ENOX1: variants seen among roughly 807,000 people sequenced by gnomAD.
ENOX1 encodes the protein ecto-NOX disulfide-thiol exchanger 1.
ENOX1 carries 42 observed loss-of-function variants against 82.5 expected under a neutral mutation model. The observed-to-expected ratio is 0.51, with a 90% CI of 0.40 to 0.66. The LOEUF is 0.66. Among genes scored for constraint, ENOX1 ranks in the 30% least tolerant of loss-of-function variants. ENOX1 has a pLI of 0.00. For missense variants in ENOX1, 608 were observed against 811.6 expected (o/e 0.75, Z 3.05); for synonymous variants, 271 against 282.2 (o/e 0.96, Z 0.40).
In ENOX1 at chr13:43,217,665, A is replaced by C. The variant is rs139779305; in HGVS notation, c.1801-3544T>G. On this transcript the variant is annotated intron_variant, in intron 16 of 16. Coordinates refer to ENST00000690772, the MANE Select transcript of ENOX1 (RefSeq NM_001347969.2). ...AAGATTTGGATCACAGTGATAGAAC[A>C]ATCAGTAACCTCTTCCAGTTTAGTA... 4.1e-3 allele frequency among the ~76,000 whole-genome samples: 627 copies of C among 152,320 alleles called. 7 individuals are homozygous for C. Among genetic ancestry groups the C allele is most frequent in the African/African-American group, 0.014 (602 of 41,566 alleles).
intron 3 of ENOX1, among the ~76,000 whole-genome samples, chr13:43,439,091 G>A (rs1389323626): frequency 7.5e-6 from 1 of 134,174 alleles, no homozygotes; most frequent in South Asian, 2.3e-4. Flanking sequence ...TGCCCAAGCT[G>A]GAGTGCAGTG....
chr13:43,362,530 A>G (rs1374985166), intron 5 of ENOX1, among the ~76,000 whole-genome samples: 1 of 152,024 alleles, frequency 6.6e-6, no homozygotes, highest in African/African-American at 2.4e-5. Context: ...CATCACTTCC[A>G]GTCTTCCTTC....
intron 5 of ENOX1, among the ~76,000 whole-genome samples, chr13:43,388,799 G>T (rs888118146): frequency 6.6e-6 from 1 of 152,116 alleles, no homozygotes; most frequent in Non-Finnish European, 1.5e-5. Flanking sequence ...TTTGATAGGT[G>T]GAGAGGCAGA....
intron 1 of ENOX1, among the ~76,000 whole-genome samples, chr13:43,743,289 AATT>A (rs1246863848): frequency 6.6e-6 from 1 of 152,164 alleles, no homozygotes; most frequent in Non-Finnish European, 1.5e-5. Context: ...TAAAAAAAAT[AATT>A]AACTGTGAGA....
intron 1 of ENOX1, among the ~76,000 whole-genome samples, chr13:43,721,999 C>G (rs1296699194): frequency 2.6e-5 from 4 of 152,170 alleles, no homozygotes; most frequent in Non-Finnish European, 1.5e-5. Context: ...GGTACAATGT[C>G]CAGTTCTCAG....
At chr13:43,247,846 TATATATATATATATATATATATA>T (rs2043170984) in intron 14 of ENOX1, among the ~76,000 whole-genome samples, 6 of 4,706 alleles carry the variant, frequency 1.3e-3, no homozygotes, top group South Asian at 0.017. Flanking sequence ...TATATATATA[TATATATATATATATATATATATA>T]TATATATATA....
intron 1 of ENOX1, among the ~76,000 whole-genome samples, chr13:43,706,533 A>T (rs1047018406): frequency 6.6e-6 from 1 of 152,086 alleles, no homozygotes; most frequent in Admixed American, 6.5e-5. Flanking sequence ...AGTAATACAT[A>T]AACAGATAAT....
intron 2 of ENOX1, among the ~76,000 whole-genome samples, chr13:43,636,164 G>A (rs1412242845): frequency 6.6e-6 from 1 of 152,178 alleles, no homozygotes; most frequent in Non-Finnish European, 1.5e-5. Context: ...AGTGGGCAGA[G>A]CTGATGATGG....
At chr13:43,488,377 C>A (rs1036289204) in intron 2 of ENOX1, among the ~76,000 whole-genome samples, 1 of 152,178 alleles carries the variant, frequency 6.6e-6, no homozygotes, top group African/African-American at 2.4e-5. Flanking sequence ...AAGTGGAGAG[C>A]AGCCAGCACC....
intron 3 of ENOX1, among the ~76,000 whole-genome samples, chr13:43,468,043 A>G (rs1211184551): frequency 4.6e-5 from 7 of 152,170 alleles, no homozygotes; most frequent in Non-Finnish European, 4.4e-5. Context: ...TTCTGCCAGT[A>G]CCAAAGACTC....
intron 14 of ENOX1, among the ~76,000 whole-genome samples, chr13:43,238,697 C>CA (rs2042668917): frequency 6.6e-6 from 1 of 151,984 alleles, no homozygotes; most frequent in African/African-American, 2.4e-5. Context: ...TAAAAAAATA[C>CA]AAAAAATGAA....
intron 2 of ENOX1, among the ~76,000 whole-genome samples, chr13:43,571,734 A>G (rs896865930): frequency 3.9e-5 from 6 of 152,046 alleles, no homozygotes; most frequent in African/African-American, 1.4e-4. Context: ...CCTTAAAATT[A>G]CACTTCAAGG....
chr13:43,373,531 T>C (rs1370905910), intron 5 of ENOX1, among the ~76,000 whole-genome samples: 3 of 152,194 alleles, frequency 2.0e-5, no homozygotes, highest in Non-Finnish European at 4.4e-5. Context: ...TGTAATTCTA[T>C]TTTATTCATC....
Position 43,624,216 on chromosome 13 carries a change from T to C in ENOX1, c.-219+43263A>G, listed in dbSNP as rs558748414. Reference sequence around the variant, plus strand: ...TCTTAATAGGCTTATTGGCCATCTCTATATACTCTTCAGTAAAATATTTCT... The same window carrying C: ...TCTTAATAGGCTTATTGGCCATCTCCATATACTCTTCAGTAAAATATTTCT... On this transcript the variant is annotated intron_variant, in intron 2 of 16. Transcript: ENST00000690772. Among the ~76,000 whole-genome samples the C allele has an allele frequency of 1.1e-4, 16 of 152,360 alleles. No individual in the cohort carries two copies. The South Asian group carries it at 2.9e-3, about 28-fold the overall frequency.
intron 1 of ENOX1, among the ~76,000 whole-genome samples, chr13:43,762,460 A>G (rs1184069816): frequency 6.6e-6 from 1 of 152,248 alleles, no homozygotes; most frequent in Non-Finnish European, 1.5e-5. Context: ...GTTAACTATG[A>G]GATAAAATTT....
intron 15 of ENOX1, among the ~76,000 whole-genome samples, chr13:43,236,350 A>C (rs1417199968): frequency 6.6e-6 from 1 of 152,202 alleles, no homozygotes; most frequent in African/African-American, 2.4e-5. Flanking sequence ...TGACATGCCC[A>C]AGCTTTGAAA....
intron 1 of ENOX1, among the ~76,000 whole-genome samples, chr13:43,710,250 A>G (rs1226654236): frequency 6.6e-6 from 1 of 152,200 alleles, no homozygotes. Flanking sequence ...CCCGATGTTC[A>G]GATATATCCT....
At chr13:43,600,176 T>G (rs2081642000) in intron 2 of ENOX1, among the ~76,000 whole-genome samples, 1 of 152,096 alleles carries the variant, frequency 6.6e-6, no homozygotes, top group Admixed American at 6.5e-5. Flanking sequence ...GTCTTACAGT[T>G]TAGGAACCAG....
intron 2 of ENOX1, among the ~76,000 whole-genome samples, chr13:43,519,231 C>T (rs2077669163): frequency 6.6e-6 from 1 of 152,178 alleles, no homozygotes; most frequent in Non-Finnish European, 1.5e-5. Context: ...ACAAGTGCAA[C>T]AGGTTCAATT....
Sources: gnomAD v4.1 joint callset for allele counts (sites outside exome capture counted in the v4.1 genomes callset) on GRCh38, gnomAD v4.1.1 for gene constraint, MANE v1.5 for transcripts, NCBI Gene and HGNC (gene_info 2026-07-23, HGNC 2026-07-21) for gene names.